The following WNT2B variants were observed in gnomAD, a reference collection of about 807,000 sequenced individuals.
WNT2B encodes the protein Wnt family member 2B.
In WNT2B, 19 loss-of-function variants were observed where a neutral mutation model predicts 40.5. That is an observed-to-expected ratio of 0.47 (90% confidence interval 0.33 to 0.69). The LOEUF is 0.69. WNT2B is among the 30% of genes least tolerant of loss of function. WNT2B has a pLI of 0.02. For missense variants in WNT2B, 467 were observed against 556.4 expected (o/e 0.84, Z 1.62); for synonymous variants, 220 against 211.9 (o/e 1.04, Z -0.33).
At chr1:112,483,632 A>T (rs1418949213) in intron 1 of WNT2B, among the ~76,000 whole-genome samples, 1 of 152,076 alleles carries the variant, frequency 6.6e-6, no homozygotes, top group Admixed American at 6.6e-5. Context: ...GACAAATGAG[A>T]CTGCATCAAA....
intron 1 of WNT2B, among the ~76,000 whole-genome samples, chr1:112,498,875 C>T (rs1651859544): frequency 6.6e-6 from 1 of 152,152 alleles, no homozygotes; most frequent in African/African-American, 2.4e-5. Context: ...CCATCATTCA[C>T]TTCAAAACCG....
chr1:112,475,682 T>C (rs1651034154), intron 1 of WNT2B, among the ~76,000 whole-genome samples: 20 of 150,112 alleles, frequency 1.3e-4, no homozygotes, highest in Admixed American at 1.2e-3. Context: ...AAAGCAACCA[T>C]GAAAAAAAGC....
Position 112,515,004 on chromosome 1 carries a change from C to A in WNT2B, c.313C>A (p.Arg105=). The change falls in exon 2 of 5, where the codon CGA becomes AGA. Residue 105 remains arginine, a synonymous_variant. Transcript: ENST00000369684. The surrounding 1 kb of genome is among the most constrained non-coding windows in gnomAD (Gnocchi z 4.4). The part of the protein sequence containing the change: ...SVGEGAREWI[R]ECQHQFRHHR... ...GGGCGAGGGTGCCCGAGAATGGATCCGAGAGTGTCAGCACCAATTCCGCCA... is the reference window on the plus strand; with the variant it reads ...GGGCGAGGGTGCCCGAGAATGGATCAGAGAGTGTCAGCACCAATTCCGCCA... The A allele has an allele frequency of 2.5e-6, 4 of 1,614,186 alleles. No individual in the cohort carries two copies. Among genetic ancestry groups the A allele is most frequent in the Non-Finnish European group, 3.4e-6 (4 of 1,180,042 alleles).
intron 1 of WNT2B, among the ~76,000 whole-genome samples, chr1:112,479,581 A>AT (rs953898041): frequency 1.3e-5 from 2 of 151,962 alleles, no homozygotes; most frequent in African/African-American, 4.8e-5. Context: ...TTTAAAAAAA[A>AT]TTTTTTTTCT....
rs1652487161 is a variant in WNT2B, at chr1:112,515,325, A to G, written c.403+231A>G. On this transcript the variant is annotated intron_variant, in intron 2 of 4. Coordinates refer to ENST00000369684, the MANE Select transcript of WNT2B (RefSeq NM_024494.3). This position sits in a 1 kb window ranked among gnomAD's most constrained non-coding sequence, Gnocchi z 4.4. ...CTCTGGGACAAGACCAAGGTAAAGC[A>G]TTCCCTAGAACCTCCATCTTTCTCC... 6.6e-6 allele frequency among the ~76,000 whole-genome samples: 1 copy of G among 152,220 alleles called. No homozygotes were observed. Among genetic ancestry groups the G allele is most frequent in the South Asian group, 2.1e-4 (1 of 4,834 alleles).
intron 1 of WNT2B, among the ~76,000 whole-genome samples, chr1:112,471,777 T>G (rs1219861580): frequency 1.3e-5 from 2 of 152,232 alleles, no homozygotes; most frequent in Non-Finnish European, 2.9e-5. Context: ...AAGTTTGGAA[T>G]ATGTGGAGCC....
intron 1 of WNT2B, chr1:112,490,865 A>C: frequency 1.4e-6 from 1 of 701,864 alleles, no homozygotes; most frequent in Non-Finnish European, 2.4e-6. Context: ...ATCAAGGTCT[A>C]GGCCAAAATT....
rs1488834386 is a variant in WNT2B, at chr1:112,529,943, A to G, written c.*9434A>G. ...AATGGATGAAAGTGGGCTCCCTACC[A>G]CCCAGAAATATGAATGTGCCTCCTT... On this transcript the variant is annotated 3_prime_UTR_variant, in exon 5 of 5. Transcript: ENST00000369684. 4 of 152,176 alleles carry G rather than the reference A, an allele frequency of 2.6e-5. No individual in the cohort carries two copies. Among genetic ancestry groups the G allele is most frequent in the African/African-American group, 9.7e-5 (4 of 41,422 alleles). The allele number at this position is 152,176 out of a possible 1,614,324, so 9.4% of individuals were successfully genotyped here.
At chr1:112,506,807 G>A (rs561675977), upstream of WNT2B, among the ~76,000 whole-genome samples, 1 of 152,220 alleles carries the variant, frequency 6.6e-6, no homozygotes, top group Non-Finnish European at 1.5e-5. Context: ...TAGCCTGTTG[G>A]CCACAAAGGA....
intron 1 of WNT2B, 127 bp from the exon 2 acceptor site, chr1:112,514,747 G>C: frequency 2.4e-6 from 2 of 817,020 alleles, no homozygotes; most frequent in South Asian, 3.2e-5. Flanking sequence ...CAGCTTTATG[G>C]AATGTGGGTT....
chr1:112,469,804 G>A (rs1021332962), intron 1 of WNT2B, among the ~76,000 whole-genome samples: 6 of 152,000 alleles, frequency 3.9e-5, no homozygotes, highest in African/African-American at 1.4e-4. Context: ...AGTAGAGATG[G>A]GGTTTCACCG....
upstream of WNT2B, among the ~76,000 whole-genome samples, chr1:112,508,224 G>T (rs529206342): frequency 2.7e-4 from 41 of 151,938 alleles, no homozygotes; most frequent in Admixed American, 6.6e-5. This position sits in a 1 kb window ranked among gnomAD's most constrained non-coding sequence, Gnocchi z 4.2. Flanking sequence ...AGGCACAGAG[G>T]GGGAGCGGGG....
intron 1 of WNT2B, among the ~76,000 whole-genome samples, chr1:112,481,003 T>C (rs1205975931): frequency 2.0e-5 from 3 of 152,092 alleles, no homozygotes; most frequent in African/African-American, 4.8e-5. Context: ...ACCCCGTCTC[T>C]ACTAAAAATA....
At position 112,509,517 on chromosome 1, in the gene WNT2B, T is replaced by G; in HGVS notation, c.182+73T>G. 1 of 1,473,540 alleles carries G rather than the reference T, an allele frequency of 6.8e-7. No homozygotes were observed. Among genetic ancestry groups the G allele is most frequent in the South Asian group, 1.3e-5 (1 of 75,316 alleles). The allele number at this position is 1,473,540 out of a possible 1,614,324, so 91.3% of individuals were successfully genotyped here. A position where few individuals can be genotyped will look rare whatever the true frequency, so the allele number is the denominator to read the frequency against. On this transcript the variant is annotated intron_variant, in intron 1 of 4. Transcript: ENST00000369684. This position sits in a 1 kb window ranked among gnomAD's most constrained non-coding sequence, Gnocchi z 4.2. The stretch of plus-strand genomic sequence containing the variant: ...GCCGGAGGCGCCTGGAGGGACTGGC[T>G]GCTCACGGGACCAGGCTGTTGCTTC...
rs1406092185 is a variant in WNT2B, at chr1:112,524,006, A to C, written c.*3497A>C. On this transcript the variant is annotated 3_prime_UTR_variant, in exon 5 of 5. Transcript: ENST00000369684. ...AATCAGGGGCTTCAGATTAAAAAAAAAAACAAAAAACAAAAAACAAAAACA... is the reference window on the plus strand; with the variant it reads ...AATCAGGGGCTTCAGATTAAAAAAACAAACAAAAAACAAAAAACAAAAACA... The C allele has an allele frequency of 6.6e-6, 1 of 151,908 alleles. No homozygotes were observed. Among genetic ancestry groups the C allele is most frequent in the Non-Finnish European group, 1.5e-5 (1 of 67,952 alleles). 9.4% of individuals were successfully genotyped at this position (151,908 alleles called of 1,614,324 possible).
chr1:112,517,636 T>A (rs1157240003), intron 4 of WNT2B, among the ~76,000 whole-genome samples: 3 of 152,230 alleles, frequency 2.0e-5, no homozygotes, highest in Non-Finnish European at 4.4e-5. Flanking sequence ...TCCCAGCATC[T>A]GGGATACAGT....
rs971313190 is a variant in WNT2B at position 112,467,350 on chromosome 1, A to T, written c.-336A>T. On this transcript the variant is annotated 5_prime_UTR_variant, in exon 1 of 5. Transcript: ENST00000256640. ...GCCTGAATTGAGGAGCATCATGAGC[A>T]CAGGCACATTTACCAAGAAGCTAAT... is the stretch of plus-strand genomic sequence containing the variant. 2.6e-5 allele frequency: 15 copies of T among 576,636 alleles called. No individual in the cohort carries two copies. The South Asian group carries it at 3.2e-4, about 12-fold the overall frequency. The allele number at this position is 576,636 out of a possible 1,614,324, so 35.7% of individuals were successfully genotyped here.
Position 112,516,147 on chromosome 1 carries a change from A to G in WNT2B, c.411A>G (p.Arg137=), listed in dbSNP as rs1421589190. ...CTACAATTCTCTCTCTAGGTAGCCGAGAGGCAGCTTTTGTATATGCCATCT... is the reference window on the plus strand; with the variant it reads ...CTACAATTCTCTCTCTAGGTAGCCGGGAGGCAGCTTTTGTATATGCCATCT... ...VFGRVMLRSS[R]EAAFVYAISS... Residue 137 remains arginine (R), a synonymous_variant, in exon 3 of 5, where the codon CGA becomes CGG. Coordinates refer to ENST00000369684, the MANE Select transcript of WNT2B (RefSeq NM_024494.3). 13 of 1,611,258 alleles carry G rather than the reference A, an allele frequency of 8.1e-6. No individual in the cohort carries two copies. In the South Asian group the frequency reaches 1.4e-4, roughly 18 times the overall value.
chr1:112,520,550 C>T lies in WNT2B; in HGVS notation c.*41C>T, dbSNP rs1476741681. The T allele has an allele frequency of 3.8e-6, 6 of 1,596,914 alleles. No homozygotes were observed. The African/African-American group carries it at 8.1e-5, about 21-fold the overall frequency. ...ACTCATCCCTCCAATTCAAGCCTCT[C>T]AACTCAAAAGCACAAGATCCTTGCA... On this transcript the variant is annotated 3_prime_UTR_variant, in exon 5 of 5. Coordinates refer to ENST00000369684, the MANE Select transcript of WNT2B (RefSeq NM_024494.3).
Sources: gnomAD v4.1 joint callset for allele counts (sites outside exome capture counted in the v4.1 genomes callset) on GRCh38, gnomAD v4.1.1 for gene constraint, Gnocchi (gnomAD v3.1) non-coding constraint, MANE v1.5 for transcripts, NCBI Gene and HGNC (gene_info 2026-07-23, HGNC 2026-07-21) for gene names.